Variants in PLEKHG1 observed in about 807,000 individuals in gnomAD.
The protein encoded by PLEKHG1 is pleckstrin homology domain-containing family G member 1.
Under a neutral mutation model 100.8 loss-of-function variants are expected in PLEKHG1, and 44 were observed. That is an observed-to-expected ratio of 0.44 (90% CI 0.34 to 0.56). The LOEUF (loss-of-function observed/expected upper bound fraction) is 0.56. PLEKHG1 is among the 20% of genes least tolerant of loss of function. PLEKHG1 has a pLI of 0.01. For synonymous variants in PLEKHG1, 640 were observed against 662.5 expected (o/e 0.97, Z 0.52); for missense variants, 1,545 against 1,720.9 (o/e 0.90, Z 1.81).
At chr6:150,694,987 T>C (rs1389146692) in intron 3 of PLEKHG1, among the ~76,000 whole-genome samples, 3 of 152,218 alleles carry the variant, frequency 2.0e-5, no homozygotes, top group African/African-American at 4.8e-5. Flanking sequence ...TATTTTATTA[T>C]TCCTACATTG....
intron 3 of PLEKHG1, among the ~76,000 whole-genome samples, chr6:150,781,145 G>A (rs1479467024): frequency 6.6e-6 from 1 of 150,904 alleles, no homozygotes; most frequent in Non-Finnish European, 1.5e-5. Context: ...AAAGTGCTGG[G>A]ATTACAGGTG....
chr6:150,833,699 C>G (rs1292512518), intron 15 of PLEKHG1, among the ~76,000 whole-genome samples: 1 of 152,298 alleles, frequency 6.6e-6, no homozygotes, highest in South Asian at 2.1e-4. Context: ...CAGGAATATG[C>G]CTTTCAAATA....
chr6:150,776,937 G>C (rs1483458255), intron 3 of PLEKHG1, among the ~76,000 whole-genome samples: 1 of 140,112 alleles, frequency 7.1e-6, no homozygotes, highest in Non-Finnish European at 1.5e-5. Context: ...TTTCACATCA[G>C]CCACACTGAT....
rs568112764 is a variant in PLEKHG1 at position 150,680,767 on chromosome 6, C to T, written c.-99+29981C>T. On this transcript the variant is annotated intron_variant, in intron 3 of 3. Transcript: ENST00000367326. ...TTGGTTGGGGATGTGTGCGGTGAAG[C>T]GGGGAAGAGACTAGATTGGAGCGAG... Among the ~76,000 whole-genome samples, 54 of 152,194 alleles carry T rather than the reference C, an allele frequency of 3.5e-4. 1 individual carries two copies. In the South Asian group the frequency reaches 4.6e-3, roughly 13 times the overall value.
At chr6:150,777,363 G>C (rs1449026401) in intron 3 of PLEKHG1, among the ~76,000 whole-genome samples, 3 of 147,206 alleles carry the variant, frequency 2.0e-5, no homozygotes, top group Admixed American at 6.9e-5. Flanking sequence ...CACATGTGCG[G>C]TTGCACATTA....
At chr6:150,758,372 T>C (rs1416122691) in intron 2 of PLEKHG1, among the ~76,000 whole-genome samples, 3 of 151,926 alleles carry the variant, frequency 2.0e-5, no homozygotes, top group Admixed American at 2.0e-4. Context: ...GTTTTACTCT[T>C]GTTGCCCAGG....
At chr6:150,643,644 G>A (rs1778363812) in intron 2 of PLEKHG1, among the ~76,000 whole-genome samples, 1 of 152,176 alleles carries the variant, frequency 6.6e-6, no homozygotes, top group South Asian at 2.1e-4. Flanking sequence ...AAAACTGCTT[G>A]ATGTATGTAG....
intron 3 of PLEKHG1, among the ~76,000 whole-genome samples, chr6:150,702,557 G>GTGTGTGT (rs145870305): frequency 7.0e-6 from 1 of 142,828 alleles, no homozygotes; most frequent in Non-Finnish European, 1.5e-5. Context: ...TTTGTTTTGG[G>GTGTGTGT]GTGTGTGTGT....
intron 3 of PLEKHG1, among the ~76,000 whole-genome samples, chr6:150,680,277 G>C (rs1779888379): frequency 1.3e-5 from 2 of 152,186 alleles, no homozygotes; most frequent in African/African-American, 4.8e-5. Context: ...AAATTGACTA[G>C]AGGTGGTAAT....
intron 1 of PLEKHG1, among the ~76,000 whole-genome samples, chr6:150,629,744 C>T (rs1430465619): frequency 2.6e-5 from 4 of 152,170 alleles, no homozygotes; most frequent in Admixed American, 6.5e-5. Context: ...CAGGCGTGAG[C>T]CACTGCACCT....
chr6:150,713,420 C>G (rs535744778), intron 3 of PLEKHG1, among the ~76,000 whole-genome samples: 2 of 152,176 alleles, frequency 1.3e-5, no homozygotes, highest in African/African-American at 4.8e-5. Flanking sequence ...TACAGGAGAC[C>G]AAGTGAATAT....
rs1357362136 is a variant in PLEKHG1, at chr6:150,804,704, A to G, written c.875A>G (p.Asp292Gly). ...CAGCGAGTCGCCTGGCATATCAATG[A>G]CATGAAGCGGAAACACGAGCACGCG... Residue 292 changes from aspartate to glycine, a missense_variant, in exon 7 of 16, where the codon GAC (aspartate) becomes GGC (glycine). Asp to Gly is a moderately conservative substitution (Grantham distance 94). Coordinates refer to ENST00000358517, the Ensembl canonical transcript of PLEKHG1. The G allele has an allele frequency of 6.2e-6, 10 of 1,613,812 alleles. No homozygotes were observed. Among genetic ancestry groups the G allele is most frequent in the African/African-American group, 2.7e-5 (2 of 74,896 alleles).
At chr6:150,836,238 C>T (rs9478832) in intron 15 of PLEKHG1, among the ~76,000 whole-genome samples, 9,079 of 152,042 alleles carry the variant, frequency 0.06, 931 homozygotes, top group African/African-American at 0.21. Context: ...ATTAGCCAAG[C>T]GTGGTGGCGG....
At chr6:150,828,053 A>T in intron 14 of PLEKHG1, 1 of 1,613,058 alleles carries the variant, frequency 6.2e-7, no homozygotes, top group Non-Finnish European at 8.5e-7. Context: ...GTGCCCTGAT[A>T]AATCAGCACC....
chr6:150,686,943 A>C (rs975780162), intron 3 of PLEKHG1: 11 of 152,660 alleles, frequency 7.2e-5, no homozygotes, highest in Admixed American at 2.6e-4. Flanking sequence ...CAAAGGGCTG[A>C]GTCAAAACTT....
intron 7 of PLEKHG1, among the ~76,000 whole-genome samples, chr6:150,806,929 A>C (rs1009270615): frequency 6.6e-6 from 1 of 151,994 alleles, no homozygotes; most frequent in East Asian, 1.9e-4. Context: ...ATGAAATCTC[A>C]CACTGCCTTT....
At chr6:150,632,723 A>G (rs1426218353) in intron 1 of PLEKHG1, among the ~76,000 whole-genome samples, 1 of 152,262 alleles carries the variant, frequency 6.6e-6, no homozygotes, top group Non-Finnish European at 1.5e-5. Context: ...GGATACTGAT[A>G]GTTAAAAGAC....
chr6:150,795,770 C>T (rs947457409), intron 4 of PLEKHG1, 86 bp from the exon 6 acceptor site: 14 of 763,446 alleles, frequency 1.8e-5, no homozygotes, highest in Middle Eastern at 3.2e-4. Context: ...TGTCAAGGCC[C>T]GAATGCTATT....
At chr6:150,608,442 T>G (rs1776691353) in intron 1 of PLEKHG1, among the ~76,000 whole-genome samples, 1 of 152,044 alleles carries the variant, frequency 6.6e-6, no homozygotes, top group South Asian at 2.1e-4. Context: ...GAACAGGTAT[T>G]TATTCTTCTT....
Sources: gnomAD v4.1 joint callset for allele counts (sites outside exome capture counted in the v4.1 genomes callset) on GRCh38, gnomAD v4.1.1 for gene constraint, MANE v1.5 for transcripts, NCBI Gene and HGNC (gene_info 2026-07-23, HGNC 2026-07-21) for gene names.